The following TSHZ3 variants were observed in gnomAD, a reference collection of about 807,000 sequenced individuals.
TSHZ3 encodes teashirt homolog 3.
In TSHZ3, 10 loss-of-function variants were observed where a neutral mutation model predicts 64.5. The observed-to-expected ratio is 0.16, with a 90% CI of 0.10 to 0.26. The LOEUF (loss-of-function observed/expected upper bound fraction) is 0.26. Among genes scored for constraint, TSHZ3 ranks in the 10% least tolerant of loss-of-function variants. The pLI is 1.00. For missense variants in TSHZ3, 1,242 were observed against 1,421.7 expected (o/e 0.87, Z 2.03); for synonymous variants, 608 against 593.1 (o/e 1.03, Z -0.36).
At chr19:31,339,507 G>A (rs1009766066) in intron 1 of TSHZ3, among the ~76,000 whole-genome samples, 5 of 152,124 alleles carry the variant, frequency 3.3e-5, no homozygotes, top group African/African-American at 1.2e-4. Context: ...AGGAGGAAGA[G>A]ACAGCCTCAC....
At chr19:31,226,977 C>CTTTTTTTTTTT (rs3030229) in intron 4 of TSHZ3, among the ~76,000 whole-genome samples, 1,625 of 65,434 alleles carry the variant, frequency 0.025, 128 homozygotes, top group Middle Eastern at 0.043. Flanking sequence ...TTCTTTCTTT[C>CTTTTTTTTTTT]TTTTTTTTTT....
intron 3 of TSHZ3, among the ~76,000 whole-genome samples, chr19:31,233,497 A>G (rs1015713849): frequency 1.3e-5 from 2 of 152,290 alleles, no homozygotes; most frequent in South Asian, 2.1e-4. Flanking sequence ...AGTCTTTGCC[A>G]GATATGTGCA....
intron 4 of TSHZ3, among the ~76,000 whole-genome samples, chr19:31,205,624 T>C (rs1975156688): frequency 6.6e-6 from 1 of 152,220 alleles, no homozygotes; most frequent in Non-Finnish European, 1.5e-5. Flanking sequence ...AGTCTCAACC[T>C]GGAGTCTGCC....
Position 31,349,342 on chromosome 19 carries a change from G to T in TSHZ3, c.-123C>A. 1.1e-6 allele frequency: 1 copy of T among 918,810 alleles called. No individual in the cohort carries two copies. The highest frequency in any genetic ancestry group is 1.5e-6 in the Non-Finnish European group (1 of 672,798). The allele number at this position is 918,810 out of a possible 1,614,324, so 56.9% of individuals were successfully genotyped here. ...GCCTGCTCTCAGCCTCCCCCCCGGA[G>T]AGCGGCCGCCCGCAGGATGCTGCTG... On this transcript the variant is annotated 5_prime_UTR_variant, in exon 1 of 2. Transcript: ENST00000240587.
intron 1 of TSHZ3, among the ~76,000 whole-genome samples, chr19:31,247,497 G>A (rs1245097221): frequency 6.6e-6 from 1 of 152,150 alleles, no homozygotes; most frequent in African/African-American, 2.4e-5. Context: ...CCACACAGTA[G>A]CCAGACTCCA....
At chr19:31,292,101 T>C (rs1009285788) in intron 1 of TSHZ3, among the ~76,000 whole-genome samples, 2 of 152,184 alleles carry the variant, frequency 1.3e-5, no homozygotes, top group African/African-American at 4.8e-5. Context: ...CCCAATGTCC[T>C]TTTTACCTTT....
intron 1 of TSHZ3, among the ~76,000 whole-genome samples, chr19:31,252,257 C>T (rs1975853329): frequency 1.3e-5 from 2 of 152,148 alleles, no homozygotes; most frequent in Admixed American, 6.5e-5. Flanking sequence ...CTTTTGGTGG[C>T]CTTCCTGAGG....
intron 5 of TSHZ3, among the ~76,000 whole-genome samples, chr19:31,191,623 G>A (rs576250592): frequency 1.2e-4 from 18 of 152,316 alleles, no homozygotes; most frequent in Admixed American, 7.8e-4. Flanking sequence ...TTGGCAGGCT[G>A]AGGTGGGAGG....
chr19:31,265,021 GC>G (rs1976031110), intron 1 of TSHZ3, among the ~76,000 whole-genome samples: 2 of 152,036 alleles, frequency 1.3e-5, no homozygotes, highest in Admixed American at 1.3e-4. Flanking sequence ...GGTCAGCATG[GC>G]CCACCCTGTA....
At chr19:31,305,182 G>A (rs1976818631) in intron 1 of TSHZ3, among the ~76,000 whole-genome samples, 1 of 151,240 alleles carries the variant, frequency 6.6e-6, no homozygotes, top group Non-Finnish European at 1.5e-5. Flanking sequence ...CCCCTCTCCT[G>A]CCACCCCCTC....
chr19:31,273,879 C>T (rs894631098), downstream of TSHZ3, among the ~76,000 whole-genome samples: 4 of 152,304 alleles, frequency 2.6e-5, no homozygotes, highest in East Asian at 1.9e-4. Flanking sequence ...CCTGCCTGGC[C>T]GTAAAACCCA....
Position 31,328,324 on chromosome 19 carries a change from T to G in TSHZ3, c.40+20856A>C, listed in dbSNP as rs541422280. On this transcript the variant is annotated intron_variant, in intron 1 of 1. Coordinates refer to ENST00000240587, the MANE Select transcript of TSHZ3 (RefSeq NM_020856.4). ...CTCTGAGTGTGAGCCTTGAAAAGCCTTGGGTGTGTGCATATAGCATCAGCT... is the reference window on the plus strand; with the variant it reads ...CTCTGAGTGTGAGCCTTGAAAAGCCGTGGGTGTGTGCATATAGCATCAGCT... Among the ~76,000 whole-genome samples, 11 of 152,326 alleles carry G rather than the reference T, an allele frequency of 7.2e-5. No individual in the cohort carries two copies. In the South Asian group the frequency reaches 2.1e-3, roughly 29 times the overall value.
intron 3 of TSHZ3, among the ~76,000 whole-genome samples, chr19:31,232,324 A>G (rs1975552687): frequency 6.6e-6 from 1 of 152,190 alleles, no homozygotes. Context: ...TTTAAAGAGC[A>G]GAGGCCAACA....
rs1182152013 is a variant in TSHZ3 at position 31,222,791 on chromosome 19, TC to T, written n.686+5213del. 6.2e-4 allele frequency among the ~76,000 whole-genome samples: 94 copies of T among 152,332 alleles called. 2 individuals are homozygous for T. The East Asian group carries it at 0.017, about 28-fold the overall frequency. Reference sequence around the variant, plus strand: ...TTAGCTTTGCCCTGGGAATCTCGTCTCTTGTCCTTCTCCATTTCTATTTTGC... The same window carrying T: ...TTAGCTTTGCCCTGGGAATCTCGTCTTTGTCCTTCTCCATTTCTATTTTGC... On this transcript the variant is annotated intron_variant and non_coding_transcript_variant, in intron 4 of 6. Coordinates refer to the TSHZ3 transcript ENST00000651361.
chr19:31,152,700 A>G (rs1291581320), intron 6 of TSHZ3, among the ~76,000 whole-genome samples: 1 of 152,166 alleles, frequency 6.6e-6, no homozygotes, highest in Non-Finnish European at 1.5e-5. Context: ...GGAAAAATGC[A>G]GAATTTAACC....
At chr19:31,215,113 GA>G (rs1975309377) in intron 4 of TSHZ3, among the ~76,000 whole-genome samples, 1 of 152,078 alleles carries the variant, frequency 6.6e-6, no homozygotes, top group Non-Finnish European at 1.5e-5. Context: ...GCATTTCCCA[GA>G]CATTAGTCAT....
chr19:31,283,034 A>G (rs866515333), intron 1 of TSHZ3, among the ~76,000 whole-genome samples: 1 of 152,124 alleles, frequency 6.6e-6, no homozygotes, highest in Admixed American at 6.5e-5. Flanking sequence ...TCCCCTCCAC[A>G]TTAAAATAAA....
At chr19:31,339,537 C>T (rs1917363113) in intron 1 of TSHZ3, among the ~76,000 whole-genome samples, 1 of 152,152 alleles carries the variant, frequency 6.6e-6, no homozygotes, top group South Asian at 2.1e-4. Flanking sequence ...GGCTTCCCTC[C>T]CCTCCCCGTA....
At chr19:31,154,156 CACTG>C (rs1322623197) in intron 6 of TSHZ3, among the ~76,000 whole-genome samples, 1 of 152,200 alleles carries the variant, frequency 6.6e-6, no homozygotes, top group African/African-American at 2.4e-5. Context: ...GAGCACCAAA[CACTG>C]ACAGCAGAGC....
Sources: allele counts gnomAD v4.1 joint callset (sites outside exome capture counted in the v4.1 genomes callset), GRCh38; gene constraint gnomAD v4.1.1; transcripts MANE v1.5; gene names NCBI Gene and HGNC (gene_info 2026-07-23, HGNC 2026-07-21).